ZMIZ1: variants seen among roughly 807,000 people sequenced by gnomAD.
ZMIZ1 encodes zinc finger MIZ-type containing 1.
A neutral mutation model predicts 113.9 loss-of-function variants in ZMIZ1; 17 were observed. The observed-to-expected ratio is 0.15, with a 90% CI of 0.10 to 0.22. ZMIZ1 has a LOEUF of 0.22. Among genes scored for constraint, ZMIZ1 ranks in the 10% least tolerant of loss-of-function variants. ZMIZ1 has a pLI of 1.00. For missense variants in ZMIZ1, 1,059 were observed against 1,477.8 expected, an observed-to-expected ratio of 0.72 and a Z score of 4.65; for synonymous variants, 607 against 603.1, an observed-to-expected ratio of 1.01 and a Z score of -0.09.
chr10:79,266,246 A>C (rs764148812), intron 7 of ZMIZ1, among the ~76,000 whole-genome samples: 1 of 152,206 alleles, frequency 6.6e-6, no homozygotes, highest in Non-Finnish European at 1.5e-5. Flanking sequence ...GGCAGGAGGC[A>C]CAGAGCTGTC....
chr10:79,076,758 A>G (rs1421434061), intron 1 of ZMIZ1, among the ~76,000 whole-genome samples: 1 of 152,132 alleles, frequency 6.6e-6, no homozygotes, highest in African/African-American at 2.4e-5. Context: ...AAACACTTGA[A>G]CCCATGAGGT....
intron 1 of ZMIZ1, among the ~76,000 whole-genome samples, chr10:79,103,452 A>C (rs997777294): frequency 2.0e-5 from 3 of 152,026 alleles, no homozygotes; most frequent in African/African-American, 7.2e-5. Flanking sequence ...GAACGGTGGA[A>C]ATGGCAGATG....
chr10:79,297,048 C>G (rs1189121967), intron 13 of ZMIZ1: 2 of 176,920 alleles, frequency 1.1e-5, no homozygotes, highest in Non-Finnish European at 2.3e-5. Context: ...TGAATCTGTA[C>G]CTTTTACTTA....
chr10:79,179,139 CT>C (rs1478102519), intron 4 of ZMIZ1, among the ~76,000 whole-genome samples: 1 of 152,266 alleles, frequency 6.6e-6, no homozygotes, highest in African/African-American at 2.4e-5. Context: ...ACATAAAACA[CT>C]TACTGTATGT....
At chr10:79,133,366 A>C (rs1844856520) in intron 2 of ZMIZ1, among the ~76,000 whole-genome samples, 1 of 152,158 alleles carries the variant, frequency 6.6e-6, no homozygotes, top group African/African-American at 2.4e-5. Context: ...GTTGGCCTCC[A>C]TTATTCCTGG....
chr10:79,178,158 C>T (rs566874884), intron 4 of ZMIZ1, among the ~76,000 whole-genome samples: 1 of 152,206 alleles, frequency 6.6e-6, no homozygotes, highest in East Asian at 1.9e-4. Context: ...GGCCGGGACC[C>T]TCATGCTAGA....
chr10:79,269,591 G>T (rs1589529091), intron 7 of ZMIZ1, among the ~76,000 whole-genome samples: 1 of 151,908 alleles, frequency 6.6e-6, no homozygotes, highest in African/African-American at 2.4e-5. Context: ...CAGTGTGTTC[G>T]ATGACTCTCC....
chr10:79,199,717 G>A (rs1342199736), intron 4 of ZMIZ1, among the ~76,000 whole-genome samples: 1 of 152,214 alleles, frequency 6.6e-6, no homozygotes, highest in Non-Finnish European at 1.5e-5. Flanking sequence ...CCTAGAAAGG[G>A]CACCAGGGGA....
At chr10:79,248,509 T>C (rs1281454051) in intron 7 of ZMIZ1, among the ~76,000 whole-genome samples, 1 of 152,086 alleles carries the variant, frequency 6.6e-6, no homozygotes, top group Non-Finnish European at 1.5e-5. Context: ...GGGCTGCTGC[T>C]GAGTAGCAGG....
At chr10:79,283,493 G>A (rs981774081) in intron 8 of ZMIZ1, among the ~76,000 whole-genome samples, 1 of 152,168 alleles carries the variant, frequency 6.6e-6, no homozygotes, top group African/African-American at 2.4e-5. Context: ...ATTCTTAAGT[G>A]CTTATTCATG....
At chr10:79,269,849 G>T (rs80234112) in intron 7 of ZMIZ1, among the ~76,000 whole-genome samples, 1 of 152,178 alleles carries the variant, frequency 6.6e-6, no homozygotes, top group Non-Finnish European at 1.5e-5. Context: ...GCAGCCTGGC[G>T]AGGAAGCCTT....
intron 4 of ZMIZ1, among the ~76,000 whole-genome samples, chr10:79,185,250 G>A (rs149407847): frequency 2.6e-5 from 4 of 151,986 alleles, no homozygotes; most frequent in Non-Finnish European, 2.9e-5. Context: ...CCCTCCCCCC[G>A]AAATGAGTTC....
intron 4 of ZMIZ1, among the ~76,000 whole-genome samples, chr10:79,196,054 C>A (rs1405592559): frequency 6.6e-6 from 1 of 152,168 alleles, no homozygotes; most frequent in Non-Finnish European, 1.5e-5. Context: ...ATGCCTGAGA[C>A]CCTTTGCTCT....
intron 7 of ZMIZ1, among the ~76,000 whole-genome samples, chr10:79,262,588 T>C (rs1370222316): frequency 6.6e-6 from 1 of 152,274 alleles, no homozygotes; most frequent in Admixed American, 6.5e-5. Flanking sequence ...GAGAACCATT[T>C]CATCAGGTAA....
intron 4 of ZMIZ1, among the ~76,000 whole-genome samples, chr10:79,179,805 C>G (rs1457880328): frequency 6.6e-6 from 1 of 152,270 alleles, no homozygotes; most frequent in Non-Finnish European, 1.5e-5. Context: ...CCATCTCAGG[C>G]CCACAAGGGG....
intron 8 of ZMIZ1, among the ~76,000 whole-genome samples, chr10:79,286,569 CGT>C (rs1354443380): frequency 1.1e-4 from 16 of 152,276 alleles, no homozygotes; most frequent in Non-Finnish European, 2.2e-4. Flanking sequence ...CAGGGCCTCG[CGT>C]GTGTGCACGG....
At chr10:79,160,956 A>T (rs7068619) in intron 3 of ZMIZ1, among the ~76,000 whole-genome samples, 60,920 of 152,118 alleles carry the variant, frequency 0.4, 12,531 homozygotes, top group African/African-American at 0.49. Context: ...GCTTGAATTC[A>T]GGGTTCTGCA....
chr10:79,217,247 C>T (rs1848771108), intron 7 of ZMIZ1, among the ~76,000 whole-genome samples: 1 of 152,192 alleles, frequency 6.6e-6, no homozygotes, highest in Non-Finnish European at 1.5e-5. Flanking sequence ...CACGGTGAAA[C>T]CCCGTCTCTA....
chr10:79,090,455 G>A (rs1175532072), intron 1 of ZMIZ1, among the ~76,000 whole-genome samples: 1 of 152,188 alleles, frequency 6.6e-6, no homozygotes, highest in Non-Finnish European at 1.5e-5. Flanking sequence ...TCAGGGTGTG[G>A]GGCTGGTGGG....
Sources: allele counts gnomAD v4.1 joint callset (sites outside exome capture counted in the v4.1 genomes callset), GRCh38; gene constraint gnomAD v4.1.1; transcripts MANE v1.5; gene names NCBI Gene and HGNC (gene_info 2026-07-23, HGNC 2026-07-21).